Variants in CYP24A1 observed in about 807,000 individuals in gnomAD.
CYP24A1 encodes the protein 1,25-dihydroxyvitamin D(3) 24-hydroxylase, mitochondrial.
Under a neutral mutation model 62.4 loss-of-function variants are expected in CYP24A1, and 68 were observed. The observed-to-expected ratio is 1.09, with a 90% CI of 0.90 to 1.33. The LOEUF is 1.33. Among genes scored for constraint, CYP24A1 ranks in the 40% most tolerant of loss-of-function variants. The pLI is 0.00. For missense variants in CYP24A1, 787 were observed against 653.0 expected, an observed-to-expected ratio of 1.21 and a Z score of -2.24; for synonymous variants, 267 against 253.0, an observed-to-expected ratio of 1.06 and a Z score of -0.52.
At chr20:54,145,368 G>A in the CYP24A1 span, among the ~76,000 whole-genome samples, 1 of 152,006 alleles carries the variant, frequency 6.6e-6, no homozygotes, top group South Asian at 2.1e-4. Context: ...CTTTTGTTCT[G>A]TTTCTATATT....
intron 5 of CYP24A1, 138 bp downstream of exon 5, chr20:54,165,604 T>C (rs2092668789): frequency 1.4e-6 from 1 of 713,748 alleles, no homozygotes; most frequent in Admixed American, 2.1e-5. Context: ...AAATATATAA[T>C]GCACATTAAA....
chr20:54,145,285 T>TA, the CYP24A1 span, among the ~76,000 whole-genome samples: 271 of 143,360 alleles, frequency 1.9e-3, 1 homozygote, highest in African/African-American at 4.3e-3. Flanking sequence ...AGCTCTAAGT[T>TA]AAAAAAAAAA....
chr20:54,166,622 T>C (rs563021705), intron 4 of CYP24A1, among the ~76,000 whole-genome samples: 3 of 152,310 alleles, frequency 2.0e-5, no homozygotes, highest in Admixed American at 2.0e-4. Flanking sequence ...ATAACCACAA[T>C]GTCATTAACA....
the CYP24A1 span, among the ~76,000 whole-genome samples, chr20:54,146,824 A>G: frequency 6.6e-6 from 1 of 152,224 alleles, no homozygotes. Context: ...GGTGCAAGGC[A>G]TCCTGATGAC....
intron 4 of CYP24A1, among the ~76,000 whole-genome samples, chr20:54,167,917 C>T (rs1236988293): frequency 6.6e-6 from 1 of 152,210 alleles, no homozygotes; most frequent in Non-Finnish European, 1.5e-5. Context: ...CCATATATCA[C>T]ACTGCTGCTG....
At chr20:54,163,654 G>A (rs3886163) in intron 6 of CYP24A1, among the ~76,000 whole-genome samples, 20,166 of 152,222 alleles carry the variant, frequency 0.13, 1,579 homozygotes, top group East Asian at 0.37. Flanking sequence ...AACTAAATGT[G>A]TAAGTGAACA....
chr20:54,150,664 G>A (rs6013903), downstream of CYP24A1, among the ~76,000 whole-genome samples: 75 of 152,304 alleles, frequency 4.9e-4, no homozygotes, highest in African/African-American at 1.7e-3. Flanking sequence ...ACTTCACCAG[G>A]TTTTAATTCT....
At chr20:54,171,948 G>T in intron 2 of CYP24A1, 1 of 657,350 alleles carries the variant, frequency 1.5e-6, no homozygotes, top group Admixed American at 3.3e-5. Flanking sequence ...GGATTTTGAG[G>T]TGTCCTTGCA....
At position 54,164,537 on chromosome 20, in the gene CYP24A1, C is replaced by A. The variant is rs773564044; in HGVS notation, c.759G>T (p.Met253Ile). 1.2e-6 allele frequency: 2 copies of A among 1,614,016 alleles called. No individual in the cohort carries two copies. The highest frequency in any genetic ancestry group is 3.3e-5 in the Admixed American group (2 of 60,006). ...TCTTGTGCAGCTCGACTGGAGTGAC[C>A]ATCATCCTCCCAAACGTGCTCATCA... ...KTMMSTFGRM[M>I]VTPVELHKSL... is the part of the protein sequence containing the mutation. The change falls in exon 6 of 12, where the codon ATG (methionine) becomes ATT (isoleucine). Residue 253 changes from methionine to isoleucine, a missense_variant. Physicochemically the swap from Met to Ile is conservative, Grantham distance 10. Coordinates refer to ENST00000216862, the MANE Select transcript of CYP24A1 (RefSeq NM_000782.5).
At chr20:54,151,298 C>A (rs542757185), downstream of CYP24A1, among the ~76,000 whole-genome samples, 1 of 152,150 alleles carries the variant, frequency 6.6e-6, no homozygotes, top group Non-Finnish European at 1.5e-5. Context: ...GGTGGGAGTG[C>A]CTTTTAGCAT....
intron 11 of CYP24A1, 31 bp downstream of exon 11, chr20:54,157,138 G>T (rs767760400): frequency 6.3e-5 from 66 of 1,041,214 alleles, no homozygotes; most frequent in South Asian, 1.1e-4. Context: ...TCACTACCTT[G>T]CAGAGGATAA....
chr20:54,157,183 CGCTGGCAAAACGCGATGGGGAGTTCCCG>C lies in CYP24A1; in HGVS notation c.1513_1540del (p.Arg505AspfsTer62). ...TAGATGCTCACCTGAGGCGTATTAT[CGCTGGCAAAACGCGATGGGGAGTTCCCG>C]GCTGGGCACCAGGGTGCCTGAGTGT... On this transcript the variant is annotated frameshift_variant, in exon 11 of 12. Transcript: ENST00000216862. LOFTEE classifies it high-confidence loss of function. 1.3e-6 allele frequency: 2 copies of C among 1,564,294 alleles called. No individual in the cohort carries two copies. The highest frequency in any genetic ancestry group is 3.3e-5 in the Admixed American group (2 of 59,910).
In CYP24A1 at chr20:54,173,345, GA is replaced by G. The variant is rs1280156927; in HGVS notation, c.234del (p.Leu79SerfsTer21). ...GSLLQILWKG[G>X]LKKQHDTLVE... ...ACCAGGGTGTCGTGCTGTTTCTTGA[GA>G]CCCCCTTTCCAGAGAATCTGCAGCA... is the stretch of plus-strand genomic sequence containing the variant. On this transcript the variant is annotated frameshift_variant, in exon 1 of 12. Coordinates refer to ENST00000216862, the MANE Select transcript of CYP24A1 (RefSeq NM_000782.5). LOFTEE classifies it high-confidence loss of function. The surrounding 1 kb of genome is among the most constrained non-coding windows in gnomAD (Gnocchi z 7.2). 15 of 1,608,000 alleles carry G rather than the reference GA, an allele frequency of 9.3e-6. No homozygotes were observed. The highest frequency in any genetic ancestry group is 1.3e-5 in the Non-Finnish European group (15 of 1,176,560).
At position 54,157,206 on chromosome 20, in the gene CYP24A1, T is replaced by A. The variant is rs775698372; in HGVS notation, c.1518A>T (p.Glu506Asp). The A allele has an allele frequency of 1.2e-6, 2 of 1,609,544 alleles. No homozygotes were observed. Among genetic ancestry groups the A allele is most frequent in the Non-Finnish European group, 1.7e-6 (2 of 1,176,084 alleles). ...LHSGTLVPSR[E>D]LPIAFCQR ...ATCGCTGGCAAAACGCGATGGGGAG[T>A]TCCCGGCTGGGCACCAGGGTGCCTG... Residue 506 changes from glutamate (E) to aspartate (D), a missense_variant, in exon 11 of 12, where the codon GAA (glutamate) becomes GAT (aspartate). Coordinates refer to ENST00000216862, the MANE Select transcript of CYP24A1 (RefSeq NM_000782.5).
chr20:54,148,844 C>T (rs1376510467), downstream of CYP24A1, among the ~76,000 whole-genome samples: 2 of 152,296 alleles, frequency 1.3e-5, no homozygotes, highest in South Asian at 2.1e-4. Context: ...CCTGACAGCA[C>T]GACTGTAATC....
chr20:54,162,523 C>A (rs932123599), intron 7 of CYP24A1, 194 bp downstream of exon 7: 2 of 597,998 alleles, frequency 3.3e-6, no homozygotes, highest in African/African-American at 1.9e-5. Flanking sequence ...GGTATGAGGC[C>A]GTGCGCTGAG....
chr20:54,145,036 G>A, the CYP24A1 span, among the ~76,000 whole-genome samples: 2 of 152,172 alleles, frequency 1.3e-5, no homozygotes, highest in Admixed American at 6.5e-5. Context: ...GTCTTCAAAC[G>A]AAGTTGTTTT....
intron 4 of CYP24A1, among the ~76,000 whole-genome samples, chr20:54,168,976 T>C (rs912594159): frequency 6.6e-6 from 1 of 151,642 alleles, no homozygotes; most frequent in African/African-American, 2.4e-5. Context: ...CGGCTCACTT[T>C]AGCTTCAGCG....
chr20:54,159,375 T>G (rs2092641716), intron 7 of CYP24A1, among the ~76,000 whole-genome samples: 1 of 151,484 alleles, frequency 6.6e-6, no homozygotes, highest in Non-Finnish European at 1.5e-5. Context: ...TTTAATCAGC[T>G]GCTTTAGAAC....
Sources: allele counts gnomAD v4.1 joint callset (sites outside exome capture counted in the v4.1 genomes callset), GRCh38; gene constraint gnomAD v4.1.1; non-coding constraint Gnocchi (gnomAD v3.1); transcripts MANE v1.5; gene names NCBI Gene and HGNC (gene_info 2026-07-23, HGNC 2026-07-21).